Variants in R3HCC1L observed in about 807,000 individuals in gnomAD.
The protein encoded by R3HCC1L is R3H domain and coiled-coil containing 1 like.
R3HCC1L carries 51 observed loss-of-function variants against 59.9 expected under a neutral mutation model. The observed-to-expected ratio is 0.85, with a 90% CI of 0.68 to 1.07. The LOEUF is 1.07. Ranked by LOEUF, R3HCC1L falls within the 50% of genes least tolerant of loss-of-function variation. The probability of loss-of-function intolerance (pLI) is 0.00; values close to 1 mark genes in which losing one functional copy is unlikely to be tolerated. For missense variants in R3HCC1L, 965 were observed against 933.0 expected (o/e 1.03, Z -0.45); for synonymous variants, 322 against 315.2 (o/e 1.02, Z -0.23).
chr10:98,164,869 G>A (rs949941621), intron 4 of R3HCC1L, among the ~76,000 whole-genome samples: 1 of 152,186 alleles, frequency 6.6e-6, no homozygotes, highest in Admixed American at 6.5e-5. Context: ...TAGTTGTTGG[G>A]TTCTGCTAAT....
intron 1 of R3HCC1L, among the ~76,000 whole-genome samples, chr10:98,144,302 G>A (rs1181463443): frequency 2.0e-5 from 3 of 151,964 alleles, no homozygotes; most frequent in East Asian, 1.9e-4. Context: ...TGCAACCTCC[G>A]CCTCCCAGGT....
intron 1 of R3HCC1L, among the ~76,000 whole-genome samples, chr10:98,140,661 G>GTAAA (rs1845051815): frequency 6.6e-6 from 1 of 152,056 alleles, no homozygotes; most frequent in South Asian, 2.1e-4. Context: ...AGAAGAACAT[G>GTAAA]TAAATATTTA....
chr10:98,184,219 G>T (rs548865782), intron 4 of R3HCC1L, among the ~76,000 whole-genome samples: 183 of 151,978 alleles, frequency 1.2e-3, no homozygotes, highest in African/African-American at 4.1e-3. Flanking sequence ...TCAGCTTTAG[G>T]TCTTCCCTTT....
At chr10:98,151,983 C>T (rs1173807794) in intron 1 of R3HCC1L, among the ~76,000 whole-genome samples, 2 of 152,168 alleles carry the variant, frequency 1.3e-5, no homozygotes, top group African/African-American at 2.4e-5. Context: ...CCTCTTTCCA[C>T]GGTCTCCCTC....
intron 5 of R3HCC1L, among the ~76,000 whole-genome samples, chr10:98,219,719 C>G (rs1854642384): frequency 6.6e-6 from 1 of 152,166 alleles, no homozygotes; most frequent in Non-Finnish European, 1.5e-5. Context: ...CCTGTTTTTG[C>G]TTATCTGGGA....
Position 98,208,504 on chromosome 10 carries a change from T to C in R3HCC1L, c.390T>C (p.Val130=). ...AGCAGGGAGCCCCAAATGCTGGGGTTATAACTAATGCACCTTTGCAGAGAC... is the reference window on the plus strand; with the variant it reads ...AGCAGGGAGCCCCAAATGCTGGGGTCATAACTAATGCACCTTTGCAGAGAC... ...GQQQGAPNAG[V]ITNAPLQRHF... The change falls in exon 5 of 10, where the codon GTT becomes GTC. Residue 130 remains valine, a synonymous_variant. Coordinates refer to ENST00000298999, the MANE Select transcript of R3HCC1L (RefSeq NM_001351015.2). 1 of 1,614,166 alleles carries C rather than the reference T, an allele frequency of 6.2e-7. No individual in the cohort carries two copies. Among genetic ancestry groups the C allele is most frequent in the Non-Finnish European group, 8.5e-7 (1 of 1,180,014 alleles).
chr10:98,216,920 T>G (rs1486907499), intron 5 of R3HCC1L, among the ~76,000 whole-genome samples: 1 of 152,178 alleles, frequency 6.6e-6, no homozygotes, highest in Non-Finnish European at 1.5e-5. Flanking sequence ...ACAAAATAAT[T>G]AACTTGAAGC....
chr10:98,155,618 A>G (rs1403322089), intron 1 of R3HCC1L, among the ~76,000 whole-genome samples: 3 of 152,098 alleles, frequency 2.0e-5, no homozygotes, highest in Admixed American at 1.3e-4. Flanking sequence ...AAAAAGTCCA[A>G]TAGTGGAAAA....
intron 4 of R3HCC1L, among the ~76,000 whole-genome samples, chr10:98,207,762 T>C (rs554749713): frequency 4.6e-5 from 7 of 151,302 alleles, no homozygotes; most frequent in Non-Finnish European, 1.0e-4. Context: ...CCCAGCACTT[T>C]GGGAGACAAA....
intron 4 of R3HCC1L, among the ~76,000 whole-genome samples, chr10:98,190,770 A>G (rs184706205): frequency 6.6e-6 from 1 of 152,152 alleles, no homozygotes; most frequent in African/African-American, 2.4e-5. Context: ...TATCATTTAC[A>G]TTAGGTATTT....
chr10:98,200,698 G>T (rs773839014), intron 4 of R3HCC1L, among the ~76,000 whole-genome samples: 3 of 152,016 alleles, frequency 2.0e-5, no homozygotes, highest in Non-Finnish European at 4.4e-5. Flanking sequence ...CAAAAAAGGG[G>T]ACATATAGCA....
intron 5 of R3HCC1L, among the ~76,000 whole-genome samples, chr10:98,227,118 G>A (rs1339434430): frequency 1.3e-5 from 2 of 152,146 alleles, no homozygotes; most frequent in Non-Finnish European, 2.9e-5. Context: ...CTTAGCACTT[G>A]GTTAAAATTC....
chr10:98,168,705 A>G (rs1848207065), intron 4 of R3HCC1L, among the ~76,000 whole-genome samples: 1 of 152,208 alleles, frequency 6.6e-6, no homozygotes, highest in Admixed American at 6.5e-5. Context: ...ATTCTGTTTA[A>G]GATTGCATCT....
intron 4 of R3HCC1L, among the ~76,000 whole-genome samples, chr10:98,176,681 G>A (rs1849056466): frequency 6.6e-6 from 1 of 152,002 alleles, no homozygotes; most frequent in Admixed American, 6.6e-5. Context: ...CTTCCAATTT[G>A]GATGTCTTTT....
intron 4 of R3HCC1L, among the ~76,000 whole-genome samples, chr10:98,176,100 C>T (rs926503359): frequency 6.6e-6 from 1 of 152,004 alleles, no homozygotes; most frequent in Admixed American, 6.6e-5. Context: ...TGTGAGTCTT[C>T]TTCTGGACTC....
At chr10:98,196,366 C>G (rs1851432685) in intron 4 of R3HCC1L, among the ~76,000 whole-genome samples, 1 of 152,146 alleles carries the variant, frequency 6.6e-6, no homozygotes, top group Non-Finnish European at 1.5e-5. Context: ...TTAACGACAA[C>G]CCCATCTTGC....
Position 98,244,310 on chromosome 10 carries a change from A to G in R3HCC1L, c.*152A>G. 1.5e-6 allele frequency: 1 copy of G among 665,194 alleles called. No homozygotes were observed. The allele number at this position is 665,194 out of a possible 1,614,324, so 41.2% of individuals were successfully genotyped here. A position where few individuals can be genotyped will look rare whatever the true frequency, so the allele number is the denominator to read the frequency against. On this transcript the variant is annotated 3_prime_UTR_variant, in exon 10 of 10. Transcript: ENST00000298999. ...CAAGGACTGACTGGGTATAGAAGGA[A>G]GACAGACTCCTGTCTTCACTCCTAA... is the stretch of plus-strand genomic sequence containing the variant.
At chr10:98,232,999 G>A (rs1340760064) in intron 6 of R3HCC1L, among the ~76,000 whole-genome samples, 2 of 152,080 alleles carry the variant, frequency 1.3e-5, no homozygotes, top group African/African-American at 4.8e-5. Context: ...GTTAATCTCT[G>A]CCATAAACTT....
intron 4 of R3HCC1L, among the ~76,000 whole-genome samples, chr10:98,192,048 C>G (rs934543075): frequency 1.3e-5 from 2 of 152,132 alleles, no homozygotes; most frequent in African/African-American, 4.8e-5. Flanking sequence ...TGGTCATGAA[C>G]TCCTGACCTC....
Sources: gnomAD v4.1 joint callset for allele counts (sites outside exome capture counted in the v4.1 genomes callset) on GRCh38, gnomAD v4.1.1 for gene constraint, MANE v1.5 for transcripts, NCBI Gene and HGNC (gene_info 2026-07-23, HGNC 2026-07-21) for gene names.